KIAA1671: variants seen among roughly 807,000 people sequenced by gnomAD.
KIAA1671 encodes the protein KIAA1671, also known as uncharacterized protein KIAA1671.
KIAA1671 carries 52 observed loss-of-function variants against 131.2 expected under a neutral mutation model. The ratio of observed to expected loss-of-function variants is 0.40; its 90% CI spans 0.32 to 0.50. KIAA1671 has a LOEUF of 0.50. Ranked by LOEUF, KIAA1671 falls within the 20% of genes least tolerant of loss-of-function variation. The pLI is 0.73. For synonymous variants in KIAA1671, 1,003 were observed against 961.6 expected (o/e 1.04, Z -0.80); for missense variants, 2,360 against 2,364.2 (o/e 1.00, Z 0.04).
intron 5 of KIAA1671, among the ~76,000 whole-genome samples, chr22:25,048,153 C>A (rs1378657711): frequency 4.6e-5 from 7 of 152,172 alleles, no homozygotes; most frequent in African/African-American, 1.4e-4. Flanking sequence ...GGAGGAGCAA[C>A]TGTGGAGAGA....
rs759898395 is a variant in KIAA1671, at chr22:25,074,496, C to CAA, written c.4530+25152_4530+25153dup. On this transcript the variant is annotated intron_variant, in intron 6 of 12. Coordinates refer to ENST00000358431, the MANE Select transcript of KIAA1671 (RefSeq NM_001145206.2). ...CTCCAGCCTGAGCAAGGCTGTGTCTCAAAAAAAAAAAAAAAAAAAAAGAAA... is the reference window on the plus strand; with the variant it reads ...CTCCAGCCTGAGCAAGGCTGTGTCTCAAAAAAAAAAAAAAAAAAAAAAAGAAA... 3.4e-3 allele frequency among the ~76,000 whole-genome samples: 217 copies of CAA among 64,002 alleles called. 6 individuals are homozygous for CAA. Among genetic ancestry groups the CAA allele is most frequent in the South Asian group, 0.026 (47 of 1,798 alleles). 42.0% of individuals were successfully genotyped at this position (64,002 alleles called of 152,430 possible). A position where few individuals can be genotyped will look rare whatever the true frequency, so the allele number is the denominator to read the frequency against.
intron 6 of KIAA1671, among the ~76,000 whole-genome samples, chr22:25,125,107 A>G (rs1403043342): frequency 2.6e-5 from 4 of 152,138 alleles, no homozygotes; most frequent in Admixed American, 1.3e-4. Flanking sequence ...GGGGCCATCT[A>G]TAGCAGGCGC....
At position 25,190,743 on chromosome 22, in the gene KIAA1671, C is replaced by T; in HGVS notation, c.5384C>T (p.Ser1795Phe). ...PSPQWLKELK[S>F]KKRQSLYENQ... Reference sequence around the variant, plus strand: ...CCCCAGTGGCTAAAGGAATTGAAATCCAAGAAGAGGCAAAGTCTTTATGAG... The same window carrying T: ...CCCCAGTGGCTAAAGGAATTGAAATTCAAGAAGAGGCAAAGTCTTTATGAG... The change falls in exon 12 of 13, where the codon TCC (serine) becomes TTC (phenylalanine). Residue 1795 changes from serine (S) to phenylalanine (F), a missense_variant. By Grantham distance (155) the Ser-to-Phe change is radical. This residue lies in a region of KIAA1671 where 1,161 missense variants were observed against 1,204.7 expected (regional missense o/e 0.96). Transcript: ENST00000358431. The T allele has an allele frequency of 6.4e-7, 1 of 1,551,830 alleles. No homozygotes were observed. Among genetic ancestry groups the T allele is most frequent in the South Asian group, 1.2e-5 (1 of 84,060 alleles).
intron 1 of KIAA1671, among the ~76,000 whole-genome samples, chr22:25,000,209 T>TTCGATGTTGTTG (rs1924376967): frequency 2.8e-5 from 2 of 72,234 alleles, no homozygotes; most frequent in African/African-American, 1.0e-4. Context: ...TTTTTTTTTT[T>TTCGATGTTGTTG]TTGAGACGGA....
Position 25,039,957 on chromosome 22 carries a change from A to G in KIAA1671, c.2827A>G (p.Arg943Gly). 6.4e-7 allele frequency: 1 copy of G among 1,551,388 alleles called. No individual in the cohort carries two copies. The highest frequency in any genetic ancestry group is 8.7e-7 in the Non-Finnish European group (1 of 1,146,844). The change falls in exon 5 of 13, where the codon AGA (arginine) becomes GGA (glycine). Residue 943 changes from arginine (R) to glycine (G), a missense_variant. Transcript: ENST00000358431. ...RMRKAGAMDQ[R>G]MDRWRRRTLP... is the part of the protein sequence containing the mutation. ...GCGGAAAGCCGGCGCCATGGACCAG[A>G]GAATGGACAGATGGCGGCGGCGGAC...
At chr22:25,183,029 C>A (rs1934345094) in intron 10 of KIAA1671, among the ~76,000 whole-genome samples, 1 of 152,186 alleles carries the variant, frequency 6.6e-6, no homozygotes, top group Non-Finnish European at 1.5e-5. Flanking sequence ...GTCCTGGAAC[C>A]AAATGGCACT....
intron 1 of KIAA1671, among the ~76,000 whole-genome samples, chr22:24,994,078 G>A (rs988777666): frequency 2.4e-4 from 36 of 151,608 alleles, no homozygotes; most frequent in African/African-American, 6.8e-4. Flanking sequence ...CAAAACTCCC[G>A]TCTCAGAAGA....
intron 1 of KIAA1671, among the ~76,000 whole-genome samples, chr22:24,960,244 CT>C (rs574547151): frequency 7.6e-4 from 115 of 151,228 alleles, no homozygotes; most frequent in African/African-American, 2.7e-3. Context: ...GTTGATTTAC[CT>C]CATTATTTTT....
At chr22:24,977,742 G>A (rs1922986326) in intron 1 of KIAA1671, among the ~76,000 whole-genome samples, 1 of 152,230 alleles carries the variant, frequency 6.6e-6, no homozygotes, top group Admixed American at 6.5e-5. Context: ...TGGAGACAGA[G>A]GTTTTTTGGC....
intron 6 of KIAA1671, among the ~76,000 whole-genome samples, chr22:25,167,439 A>C (rs1601376340): frequency 6.6e-6 from 1 of 152,244 alleles, no homozygotes; most frequent in African/African-American, 2.4e-5. Context: ...CAAAAGTCCC[A>C]GCACTTGGGG....
intron 6 of KIAA1671, among the ~76,000 whole-genome samples, chr22:25,095,523 C>T (rs1318407393): frequency 6.6e-6 from 1 of 152,064 alleles, no homozygotes; most frequent in Admixed American, 6.6e-5. Flanking sequence ...TGGTGGCGGG[C>T]ACCTGTAGTG....
chr22:25,111,104 A>C (rs1931317255), intron 6 of KIAA1671: 1 of 152,448 alleles, frequency 6.6e-6, no homozygotes, highest in South Asian at 2.1e-4. Context: ...GAAACAGACC[A>C]CGAGAGGGAG....
At chr22:24,992,652 T>C (rs1264062094) in intron 1 of KIAA1671, among the ~76,000 whole-genome samples, 3 of 151,492 alleles carry the variant, frequency 2.0e-5, no homozygotes, top group African/African-American at 4.9e-5. Flanking sequence ...CCCTCTCTAC[T>C]AAAAATACAA....
intron 6 of KIAA1671, among the ~76,000 whole-genome samples, chr22:25,123,506 A>G (rs576641770): frequency 7.9e-5 from 12 of 152,240 alleles, no homozygotes; most frequent in East Asian, 3.9e-4. Context: ...TGAGGTTTCA[A>G]AAGACACTGC....
chr22:24,963,770 C>G (rs970788662), intron 1 of KIAA1671, among the ~76,000 whole-genome samples: 1 of 151,532 alleles, frequency 6.6e-6, no homozygotes, highest in Non-Finnish European at 1.5e-5. Flanking sequence ...GAAACCCCGT[C>G]TCTACTAAAA....
chr22:25,127,527 G>T (rs1932242798), intron 6 of KIAA1671, among the ~76,000 whole-genome samples: 1 of 152,074 alleles, frequency 6.6e-6, no homozygotes, highest in South Asian at 2.1e-4. Flanking sequence ...CATCCACTTG[G>T]CTTCCCTGCC....
chr22:25,128,510 G>A (rs1358884493), intron 6 of KIAA1671, among the ~76,000 whole-genome samples: 2 of 152,056 alleles, frequency 1.3e-5, no homozygotes, highest in Non-Finnish European at 2.9e-5. Flanking sequence ...TGTCCATGAG[G>A]GCAAGTCTCC....
intron 6 of KIAA1671, among the ~76,000 whole-genome samples, chr22:25,077,573 A>T (rs1296688447): frequency 1.3e-5 from 2 of 152,142 alleles, no homozygotes; most frequent in East Asian, 1.9e-4. Context: ...GTAGTGAGGA[A>T]CTGCTGAGTG....
intron 6 of KIAA1671, chr22:25,058,281 G>T (rs1413473434): frequency 6.6e-6 from 1 of 152,158 alleles, no homozygotes; most frequent in African/African-American, 2.4e-5. Context: ...CCCACACCCA[G>T]TTTCCAACTG....
Sources: gnomAD v4.1 joint callset for allele counts (sites outside exome capture counted in the v4.1 genomes callset) on GRCh38, gnomAD v4.1.1 for gene constraint, gnomAD v4.1.1 regional missense constraint, MANE v1.5 for transcripts, NCBI Gene and HGNC (gene_info 2026-07-23, HGNC 2026-07-21) for gene names.